MMP16: variants seen among roughly 807,000 people sequenced by gnomAD.
The protein encoded by MMP16 is matrix metalloproteinase-16.
Under a neutral mutation model 67.8 loss-of-function variants are expected in MMP16, and 12 were observed. The ratio of observed to expected loss-of-function variants is 0.18; its 90% CI spans 0.11 to 0.29. The LOEUF (loss-of-function observed/expected upper bound fraction) is 0.29. Among genes scored for constraint, MMP16 ranks in the 10% least tolerant of loss-of-function variants. The probability of loss-of-function intolerance (pLI) is 1.00; values close to 1 mark genes in which losing one functional copy is unlikely to be tolerated. For synonymous variants in MMP16, 249 were observed against 255.9 expected (o/e 0.97, Z 0.26); for missense variants, 475 against 765.7 (o/e 0.62, Z 4.48).
intron 1 of MMP16, among the ~76,000 whole-genome samples, chr8:88,202,742 A>C (rs765037784): frequency 3.3e-5 from 5 of 152,166 alleles, no homozygotes; most frequent in African/African-American, 7.2e-5. Context: ...CACAACCCCT[A>C]TATTTCTGAA....
intron 1 of MMP16, among the ~76,000 whole-genome samples, chr8:88,305,617 C>T (rs1049182158): frequency 6.6e-6 from 1 of 152,134 alleles, no homozygotes; most frequent in Admixed American, 6.5e-5. Context: ...CAAATTAGAA[C>T]TCAAGATTAA....
intron 4 of MMP16, among the ~76,000 whole-genome samples, chr8:88,159,482 A>G (rs1159233748): frequency 2.6e-5 from 4 of 152,306 alleles, no homozygotes; most frequent in African/African-American, 9.6e-5. Context: ...ATTGGTATAT[A>G]AGAATGCTTG....
At chr8:88,143,614 G>C (rs552476915) in intron 4 of MMP16, among the ~76,000 whole-genome samples, 1 of 152,138 alleles carries the variant, frequency 6.6e-6, no homozygotes, top group South Asian at 2.1e-4. Flanking sequence ...ACTTGCAAAG[G>C]AAGGTGTAAA....
chr8:88,222,254 T>C (rs1271586183), intron 1 of MMP16, among the ~76,000 whole-genome samples: 4 of 151,946 alleles, frequency 2.6e-5, no homozygotes, highest in Non-Finnish European at 4.4e-5. Context: ...AGAGATTAAT[T>C]ATATCATTCT....
intron 1 of MMP16, among the ~76,000 whole-genome samples, chr8:88,261,727 A>G (rs1019836709): frequency 6.6e-6 from 1 of 151,206 alleles, no homozygotes; most frequent in African/African-American, 2.4e-5. Flanking sequence ...ACATATGCAC[A>G]TACATATCTA....
chr8:88,316,357 C>T (rs1300949081), intron 1 of MMP16, among the ~76,000 whole-genome samples: 1 of 152,126 alleles, frequency 6.6e-6, no homozygotes, highest in Non-Finnish European at 1.5e-5. Context: ...GGCATCAGAG[C>T]TTCAAAGGAC....
chr8:88,218,504 G>C (rs1164969875), intron 1 of MMP16, among the ~76,000 whole-genome samples: 2 of 151,942 alleles, frequency 1.3e-5, no homozygotes, highest in Non-Finnish European at 2.9e-5. Flanking sequence ...AAGAAAAATT[G>C]CTAACTATGC....
chr8:88,245,804 A>G (rs1384828169), intron 1 of MMP16, among the ~76,000 whole-genome samples: 3 of 152,172 alleles, frequency 2.0e-5, no homozygotes, highest in Non-Finnish European at 2.9e-5. Flanking sequence ...CTTTGGAGAA[A>G]AGTGATGCAC....
rs561049798 is a variant in MMP16, at chr8:88,182,390, T to TTA, written c.404+4084_404+4085dup. On this transcript the variant is annotated intron_variant, in intron 3 of 9. Coordinates refer to ENST00000286614, the MANE Select transcript of MMP16 (RefSeq NM_005941.5). ...AAATAAGCATATGAAAAGTTGCATC[T>TTA]TATGTCATCAGGGAATTGCAAATTA... Among the ~76,000 whole-genome samples the TTA allele has an allele frequency of 1.8e-3, 280 of 152,278 alleles. 1 individual carries two copies. The highest frequency in any genetic ancestry group is 6.3e-3 in the African/African-American group (263 of 41,576).
chr8:88,219,367 G>C (rs1809642532), intron 1 of MMP16, among the ~76,000 whole-genome samples: 1 of 151,922 alleles, frequency 6.6e-6, no homozygotes, highest in Non-Finnish European at 1.5e-5. Flanking sequence ...GGCAAGACAA[G>C]AGTATGCCTG....
At chr8:88,126,715 G>T (rs1303206266) in intron 4 of MMP16, among the ~76,000 whole-genome samples, 2 of 151,612 alleles carry the variant, frequency 1.3e-5, no homozygotes, top group Admixed American at 6.6e-5. Flanking sequence ...AAAAATAAAA[G>T]ACATACCGTA....
At chr8:88,225,594 C>G (rs1445684753) in intron 1 of MMP16, among the ~76,000 whole-genome samples, 7 of 151,876 alleles carry the variant, frequency 4.6e-5, no homozygotes, top group Non-Finnish European at 8.8e-5. Flanking sequence ...ATGATCATTT[C>G]CATGTATTCA....
At chr8:88,108,297 G>A (rs1420328836) in intron 6 of MMP16, among the ~76,000 whole-genome samples, 1 of 151,088 alleles carries the variant, frequency 6.6e-6, no homozygotes, top group Non-Finnish European at 1.5e-5. Flanking sequence ...TTGGAGAAAC[G>A]GCTAGCTATC....
intron 4 of MMP16, among the ~76,000 whole-genome samples, chr8:88,145,929 T>C (rs774299181): frequency 2.0e-5 from 3 of 151,988 alleles, no homozygotes; most frequent in Non-Finnish European, 2.9e-5. Context: ...CTGTAATGTA[T>C]AGGAACATCT....
At chr8:88,096,806 T>G (rs926567794) in intron 6 of MMP16, among the ~76,000 whole-genome samples, 1 of 151,940 alleles carries the variant, frequency 6.6e-6, no homozygotes, top group African/African-American at 2.4e-5. Context: ...GTATTTTAAT[T>G]TTTTAAAGGT....
At chr8:88,052,652 G>A (rs1219789140) in intron 8 of MMP16, among the ~76,000 whole-genome samples, 1 of 152,184 alleles carries the variant, frequency 6.6e-6, no homozygotes, top group Non-Finnish European at 1.5e-5. Context: ...GTGAAATCTG[G>A]TCCCTATCAA....
chr8:88,215,996 T>G (rs969806141), intron 1 of MMP16, among the ~76,000 whole-genome samples: 11 of 152,324 alleles, frequency 7.2e-5, no homozygotes, highest in South Asian at 4.1e-4. Flanking sequence ...TGGTATGATT[T>G]TACATATATT....
At chr8:88,090,449 T>C (rs551582085) in intron 6 of MMP16, among the ~76,000 whole-genome samples, 1 of 151,960 alleles carries the variant, frequency 6.6e-6, no homozygotes, top group South Asian at 2.1e-4. Flanking sequence ...ACATTTTTAA[T>C]GTTAGATATT....
chr8:88,252,810 T>C (rs1318672395), intron 1 of MMP16, among the ~76,000 whole-genome samples: 1 of 152,070 alleles, frequency 6.6e-6, no homozygotes, highest in Non-Finnish European at 1.5e-5. Context: ...CCAGCCTTAA[T>C]ACATTAGCCA....
Sources: allele counts gnomAD v4.1 joint callset (sites outside exome capture counted in the v4.1 genomes callset), GRCh38; gene constraint gnomAD v4.1.1; transcripts MANE v1.5; gene names NCBI Gene and HGNC (gene_info 2026-07-23, HGNC 2026-07-21).